Variants in C2orf76 observed in about 807,000 individuals in gnomAD.
The protein encoded by C2orf76 is chromosome 2 open reading frame 76.
Under a neutral mutation model 16.9 loss-of-function variants are expected in C2orf76, and 23 were observed. The ratio of observed to expected loss-of-function variants is 1.36; its 90% CI spans 0.98 to 1.93. The LOEUF is 1.93. C2orf76 is among the 30% of genes most tolerant of loss of function. The pLI is 0.00. For missense variants in C2orf76, 152 were observed against 152.6 expected, an observed-to-expected ratio of 1.00 and a Z score of 0.02; for synonymous variants, 48 against 52.3, an observed-to-expected ratio of 0.92 and a Z score of 0.35.
chr2:119,306,100 C>T (rs1433443748), intron 5 of C2orf76, among the ~76,000 whole-genome samples: 1 of 152,182 alleles, frequency 6.6e-6, no homozygotes, highest in Non-Finnish European at 1.5e-5. Context: ...GTCCGACACC[C>T]ACATTACCGA....
chr2:119,338,395 A>C (rs538233036), intron 2 of C2orf76, among the ~76,000 whole-genome samples: 1 of 152,368 alleles, frequency 6.6e-6, no homozygotes, highest in South Asian at 2.1e-4. Flanking sequence ...AACGAGCTTT[A>C]CTAACTAGCC....
the C2orf76 span, among the ~76,000 whole-genome samples, chr2:119,283,706 C>A: frequency 6.6e-6 from 1 of 152,070 alleles, no homozygotes; most frequent in Non-Finnish European, 1.5e-5. Context: ...AACTCCTGAC[C>A]TCAAATGATC....
At position 119,302,250 on chromosome 2, in the gene C2orf76, C is replaced by G. The variant is rs1228161858; in HGVS notation, c.*222G>C. 2.9e-6 allele frequency: 1 copy of G among 347,746 alleles called. No homozygotes were observed. The highest frequency in any genetic ancestry group is 4.4e-5 in the East Asian group (1 of 22,692). The allele number at this position is 347,746 out of a possible 1,614,324, so 21.5% of individuals were successfully genotyped here. On this transcript the variant is annotated 3_prime_UTR_variant, in exon 6 of 6. Coordinates refer to ENST00000334816, the MANE Select transcript of C2orf76 (RefSeq NM_001322331.2). ...TAATTTTTAATAACAATTTATTTCC[C>G]TTTAAAAAGATCAAATGTTTTTCTC...
chr2:119,305,885 GAGA>G (rs887691279), intron 5 of C2orf76, among the ~76,000 whole-genome samples: 6 of 143,142 alleles, frequency 4.2e-5, no homozygotes, highest in Admixed American at 1.4e-4. Context: ...TCTGCTGGCA[GAGA>G]AGATTTCAAA....
At chr2:119,358,406 T>C (rs186989596) in intron 1 of C2orf76, among the ~76,000 whole-genome samples, 435 of 152,060 alleles carry the variant, frequency 2.9e-3, no homozygotes, top group Non-Finnish European at 4.7e-3. Flanking sequence ...GAGGAACCCC[T>C]GTCCCTACTA....
At chr2:119,320,807 T>C (rs912477938) in intron 3 of C2orf76, among the ~76,000 whole-genome samples, 10 of 152,198 alleles carry the variant, frequency 6.6e-5, no homozygotes, top group African/African-American at 2.2e-4. Flanking sequence ...AAATCATCAA[T>C]TGTAACACAT....
At chr2:119,308,911 A>G (rs188377892) in intron 5 of C2orf76, among the ~76,000 whole-genome samples, 2 of 152,186 alleles carry the variant, frequency 1.3e-5, no homozygotes, top group East Asian at 3.9e-4. Context: ...CGACGGTGGT[A>G]TAAGAGTATC....
chr2:119,340,086 TG>T, intron 1 of C2orf76, 115 bp from the exon 2 acceptor site: 1 of 1,184,454 alleles, frequency 8.4e-7, no homozygotes, highest in South Asian at 1.6e-5. Flanking sequence ...CCATGCTGCA[TG>T]ATCACTGACA....
At chr2:119,361,512 C>T (rs1381369573) in intron 1 of C2orf76, among the ~76,000 whole-genome samples, 2 of 151,930 alleles carry the variant, frequency 1.3e-5, no homozygotes, top group Non-Finnish European at 2.9e-5. Context: ...TTGTAAAATA[C>T]AGTATCACAA....
intron 1 of C2orf76, among the ~76,000 whole-genome samples, chr2:119,344,162 A>C (rs954280508): frequency 3.9e-5 from 6 of 152,162 alleles, no homozygotes; most frequent in Non-Finnish European, 8.8e-5. Flanking sequence ...TCTTTCTTTT[A>C]TGTGCTTCAA....
chr2:119,289,668 G>A, the C2orf76 span, among the ~76,000 whole-genome samples: 4 of 150,844 alleles, frequency 2.7e-5, no homozygotes, highest in African/African-American at 9.7e-5. Context: ...CCTGGCGACA[G>A]AGTGAGACTC....
At chr2:119,301,997 A>G (rs1239300781), downstream of C2orf76, among the ~76,000 whole-genome samples, 1 of 152,014 alleles carries the variant, frequency 6.6e-6, no homozygotes, top group African/African-American at 2.4e-5. Context: ...ATATGGTGGT[A>G]TGTATCACAC....
At chr2:119,309,715 C>T (rs1224040437) in intron 5 of C2orf76, among the ~76,000 whole-genome samples, 1 of 152,130 alleles carries the variant, frequency 6.6e-6, no homozygotes, top group Non-Finnish European at 1.5e-5. Flanking sequence ...GCCACCATGC[C>T]CGACCCCAGG....
rs748652030 is a variant in C2orf76, at chr2:119,361,494, C to CA, written c.-13+5295dup. On this transcript the variant is annotated intron_variant, in intron 1 of 5. Coordinates refer to ENST00000334816, the MANE Select transcript of C2orf76 (RefSeq NM_001322331.2). ...CGATAAAAAAATACGGATACACACA[C>CA]AAAAAAATTGTAAAATACAGTATCA... is the stretch of plus-strand genomic sequence containing the variant. Among the ~76,000 whole-genome samples the CA allele has an allele frequency of 5.3e-5, 8 of 151,780 alleles. No homozygotes were observed. In the East Asian group the frequency reaches 7.7e-4, roughly 15 times the overall value.
intron 1 of C2orf76, chr2:119,366,252 G>A (rs1680980908): frequency 2.7e-6 from 1 of 374,370 alleles, no homozygotes; most frequent in Admixed American, 3.4e-5. Context: ...CCCAACAGGA[G>A]TTCAATAAAC....
At chr2:119,322,179 C>T (rs1278289643) in intron 2 of C2orf76, among the ~76,000 whole-genome samples, 1 of 152,056 alleles carries the variant, frequency 6.6e-6, no homozygotes, top group Non-Finnish European at 1.5e-5. Context: ...AGCCATTCCA[C>T]TTCAGAATCA....
At chr2:119,293,014 G>A in the C2orf76 span, among the ~76,000 whole-genome samples, 1 of 152,298 alleles carries the variant, frequency 6.6e-6, no homozygotes, top group South Asian at 2.1e-4. Flanking sequence ...CAGCCTGGGC[G>A]ACACAATGAG....
chr2:119,293,312 A>C, the C2orf76 span, among the ~76,000 whole-genome samples: 3 of 152,250 alleles, frequency 2.0e-5, no homozygotes, highest in African/African-American at 7.2e-5. Flanking sequence ...GCTGACAGAA[A>C]GGGAGAAAAC....
intron 1 of C2orf76, among the ~76,000 whole-genome samples, chr2:119,359,224 C>T (rs1019867169): frequency 3.9e-5 from 6 of 152,132 alleles, no homozygotes; most frequent in Admixed American, 6.5e-5. Context: ...ACTGTTGAGA[C>T]CTAATCCTCA....
Sources: allele counts gnomAD v4.1 joint callset (sites outside exome capture counted in the v4.1 genomes callset), GRCh38; gene constraint gnomAD v4.1.1; transcripts MANE v1.5; gene names NCBI Gene and HGNC (gene_info 2026-07-23, HGNC 2026-07-21).